Variants in EIF2B3 observed in about 807,000 individuals in gnomAD.
The protein encoded by EIF2B3 is translation initiation factor eIF2B subunit gamma.
In EIF2B3, 20 loss-of-function variants were observed where a neutral mutation model predicts 54.1. The ratio of observed to expected loss-of-function variants is 0.37; its 90% CI spans 0.26 to 0.54. EIF2B3 has a LOEUF of 0.54. Among genes scored for constraint, EIF2B3 ranks in the 20% least tolerant of loss-of-function variants. The pLI is 0.86. For missense variants in EIF2B3, 448 were observed against 547.8 expected, an observed-to-expected ratio of 0.82 and a Z score of 1.82; for synonymous variants, 153 against 188.1, an observed-to-expected ratio of 0.81 and a Z score of 1.52.
intron 3 of EIF2B3, among the ~76,000 whole-genome samples, chr1:44,975,464 A>G (rs1207616179): frequency 6.6e-6 from 1 of 152,172 alleles, no homozygotes; most frequent in African/African-American, 2.4e-5. Flanking sequence ...GTTCCTAGGT[A>G]ACAAACCTGT....
intron 10 of EIF2B3, among the ~76,000 whole-genome samples, chr1:44,871,257 G>A (rs2148899580): frequency 6.6e-6 from 1 of 152,226 alleles, no homozygotes; most frequent in South Asian, 2.1e-4. Flanking sequence ...CTTATTGTCT[G>A]TCTTCTCCAT....
intron 3 of EIF2B3, among the ~76,000 whole-genome samples, chr1:44,948,458 T>G (rs925628335): frequency 7.9e-5 from 12 of 152,102 alleles, no homozygotes; most frequent in African/African-American, 2.7e-4. Flanking sequence ...TAATTTCTAC[T>G]GCATATGTCT....
Position 44,943,368 on chromosome 1 carries a change from C to CTATCTATATCTATATCTA in EIF2B3, c.295-1721_295-1704dup, listed in dbSNP as rs59247483. Among the ~76,000 whole-genome samples, 219 of 144,552 alleles carry CTATCTATATCTATATCTA rather than the reference C, an allele frequency of 1.5e-3. 2 individuals are homozygous for CTATCTATATCTATATCTA. Among genetic ancestry groups the CTATCTATATCTATATCTA allele is most frequent in the South Asian group, 3.4e-3 (15 of 4,434 alleles). The allele number at this position is 144,552 out of a possible 152,430, so 94.8% of individuals were successfully genotyped here. A position where few individuals can be genotyped will look rare whatever the true frequency, so the allele number is the denominator to read the frequency against. On this transcript the variant is annotated intron_variant, in intron 3 of 11. Transcript: ENST00000360403. ...TCACAACAACCATATGCAGGAAGAACTATCTATATCTATATCTATATCTAT... is the reference window on the plus strand; with the variant it reads ...TCACAACAACCATATGCAGGAAGAACTATCTATATCTATATCTATATCTATATCTATATCTATATCTAT...
At chr1:44,968,154 A>G (rs960075973) in intron 3 of EIF2B3, among the ~76,000 whole-genome samples, 1 of 152,114 alleles carries the variant, frequency 6.6e-6, no homozygotes, top group African/African-American at 2.4e-5. Flanking sequence ...ATTTGAGTCC[A>G]GGAGTGTGAG....
At chr1:44,855,345 AG>A (rs1654402656) in intron 11 of EIF2B3, among the ~76,000 whole-genome samples, 4 of 152,184 alleles carry the variant, frequency 2.6e-5, no homozygotes, top group Admixed American at 1.3e-4. Flanking sequence ...CAGAAAGCCC[AG>A]GAGTTTATGA....
chr1:44,955,335 C>A (rs982927796), intron 3 of EIF2B3, among the ~76,000 whole-genome samples: 2 of 152,136 alleles, frequency 1.3e-5, no homozygotes, highest in Non-Finnish European at 2.9e-5. Context: ...AAACTGGACC[C>A]CTTTCTTATA....
intron 3 of EIF2B3, chr1:44,958,710 A>T (rs1182000941): frequency 6.3e-7 from 1 of 1,592,172 alleles, no homozygotes; most frequent in East Asian, 2.2e-5. Flanking sequence ...TGCTGCCTGA[A>T]ACAGTACCCT....
At chr1:44,896,548 G>A (rs1295513961) in intron 6 of EIF2B3, among the ~76,000 whole-genome samples, 4 of 152,210 alleles carry the variant, frequency 2.6e-5, no homozygotes, top group Non-Finnish European at 5.9e-5. Context: ...TCTTGCTACT[G>A]TGGTATCTGT....
chr1:44,971,370 CAGA>C (rs1644397774), intron 3 of EIF2B3, among the ~76,000 whole-genome samples: 2 of 107,564 alleles, frequency 1.9e-5, no homozygotes, highest in Non-Finnish European at 1.9e-5. Context: ...ACTCCGTCTC[CAGA>C]AAAAAAAAAA....
At chr1:44,867,961 C>T (rs1654836104) in intron 10 of EIF2B3, among the ~76,000 whole-genome samples, 1 of 151,798 alleles carries the variant, frequency 6.6e-6, no homozygotes. Flanking sequence ...TCACTTGAGC[C>T]CAGGAGGTTG....
intron 4 of EIF2B3, among the ~76,000 whole-genome samples, chr1:44,933,509 T>C (rs1019546365): frequency 3.3e-5 from 5 of 152,204 alleles, no homozygotes; most frequent in Admixed American, 1.3e-4. Context: ...GCCAAAAAAT[T>C]AGCTGAAAAT....
chr1:44,898,085 TC>T (rs1256493461), intron 5 of EIF2B3, among the ~76,000 whole-genome samples: 1 of 152,116 alleles, frequency 6.6e-6, no homozygotes, highest in Non-Finnish European at 1.5e-5. Context: ...TTTTCCTGCT[TC>T]TACCCTAATT....
intron 1 of EIF2B3, among the ~76,000 whole-genome samples, chr1:44,982,990 G>A (rs1274291053): frequency 1.3e-5 from 2 of 151,684 alleles, no homozygotes; most frequent in Admixed American, 6.6e-5. Flanking sequence ...GGCTGGTCTC[G>A]AACTCCCAAC....
intron 11 of EIF2B3, among the ~76,000 whole-genome samples, chr1:44,852,881 G>T (rs1654319057): frequency 6.6e-6 from 1 of 152,076 alleles, no homozygotes; most frequent in Admixed American, 6.6e-5. Context: ...GCCACATGAT[G>T]ATTTTAGAGG....
At chr1:44,953,131 C>G (rs28707013) in intron 3 of EIF2B3, among the ~76,000 whole-genome samples, 2 of 148,312 alleles carry the variant, frequency 1.3e-5, no homozygotes, top group Admixed American at 6.7e-5. Context: ...TAAAAAAAAC[C>G]CAACTTGCCT....
Position 44,926,618 on chromosome 1 carries a change from T to C in EIF2B3, c.566+10A>G, listed in dbSNP as rs1225964154. On this transcript the variant is annotated intron_variant, in intron 5 of 11. Coordinates refer to ENST00000360403, the MANE Select transcript of EIF2B3 (RefSeq NM_020365.5). ...GGAGAATTGCCAGAAGAAAAAACCCTAGGGCTTACTTCTGTAGGATGGATC... is the reference window on the plus strand; with the variant it reads ...GGAGAATTGCCAGAAGAAAAAACCCCAGGGCTTACTTCTGTAGGATGGATC... The C allele has an allele frequency of 3.1e-6, 5 of 1,608,656 alleles. No individual in the cohort carries two copies. The highest frequency in any genetic ancestry group is 1.3e-5 in the African/African-American group (1 of 74,950).
At chr1:44,863,984 TTCC>T (rs1654690972) in intron 10 of EIF2B3, among the ~76,000 whole-genome samples, 1 of 152,212 alleles carries the variant, frequency 6.6e-6, no homozygotes, top group African/African-American at 2.4e-5. Flanking sequence ...GGCTGAAAAT[TTCC>T]TCCTTTTAGT....
intron 3 of EIF2B3, among the ~76,000 whole-genome samples, chr1:44,964,475 A>T (rs1382856946): frequency 6.6e-6 from 1 of 152,244 alleles, no homozygotes; most frequent in East Asian, 1.9e-4. Context: ...TCAAACACTC[A>T]ACTGAAAATA....
At chr1:44,909,153 AAGAG>A (rs1027947589) in intron 5 of EIF2B3, among the ~76,000 whole-genome samples, 2 of 151,990 alleles carry the variant, frequency 1.3e-5, no homozygotes, top group East Asian at 1.9e-4. Flanking sequence ...GAGGGGGGAA[AAGAG>A]AGAGAGAGGG....
Sources: allele counts gnomAD v4.1 joint callset (sites outside exome capture counted in the v4.1 genomes callset), GRCh38; gene constraint gnomAD v4.1.1; transcripts MANE v1.5; gene names NCBI Gene and HGNC (gene_info 2026-07-23, HGNC 2026-07-21).